SHROOM2: variants seen among roughly 807,000 people sequenced by gnomAD.
SHROOM2 encodes the protein shroom family member 2.
A neutral mutation model predicts 75.9 loss-of-function variants in SHROOM2; 33 were observed. The ratio of observed to expected loss-of-function variants is 0.43; its 90% CI spans 0.33 to 0.58. SHROOM2 has a LOEUF of 0.58. SHROOM2 is among the 20% of genes least tolerant of loss of function. The pLI is 0.04. For missense variants in SHROOM2, 1,434 were observed against 1,461.2 expected, an observed-to-expected ratio of 0.98 and a Z score of 0.30; for synonymous variants, 655 against 663.6, an observed-to-expected ratio of 0.99 and a Z score of 0.20.
intron 5 of SHROOM2, among the ~76,000 whole-genome samples, chrX:9,924,846 AT>A (rs1216093688): frequency 2.8e-5 from 3 of 108,955 alleles, no homozygotes; most frequent in African/African-American, 1.0e-4. Context: ...TTTTATTTTT[AT>A]TTTTTGTAGA....
chrX:9,865,097 G>C (rs1055005300), intron 1 of SHROOM2: 2 of 112,091 alleles, frequency 1.8e-5, no homozygotes, highest in Admixed American at 1.9e-4. Context: ...CAAATTGCCA[G>C]TCAGTATGCT....
At chrX:9,821,013 G>A (rs1197185454) in intron 1 of SHROOM2, among the ~76,000 whole-genome samples, 1 of 112,284 alleles carries the variant, frequency 8.9e-6, no homozygotes, top group East Asian at 2.8e-4. Context: ...TCCTTGGTAA[G>A]CAGTGGTTTT....
At chrX:9,867,512 C>T (rs1022556418) in intron 1 of SHROOM2, among the ~76,000 whole-genome samples, 1 of 111,784 alleles carries the variant, frequency 8.9e-6, no homozygotes, top group Non-Finnish European at 1.9e-5. Context: ...TGTCACTAAT[C>T]GGTGCAGTGC....
chrX:9,792,260 T>C (rs2083669940), intron 1 of SHROOM2, among the ~76,000 whole-genome samples: 1 of 111,004 alleles, frequency 9.0e-6, no homozygotes, highest in African/African-American at 3.3e-5. Context: ...AGAGCCAGCC[T>C]GTTCCCATTA....
intron 1 of SHROOM2, among the ~76,000 whole-genome samples, chrX:9,810,412 T>C (rs1171739119): frequency 9.0e-6 from 1 of 111,068 alleles, no homozygotes; most frequent in Non-Finnish European, 1.9e-5. Flanking sequence ...CATTGCGGAG[T>C]AGTAGACTGA....
intron 2 of SHROOM2, among the ~76,000 whole-genome samples, chrX:9,888,558 C>G (rs903257889): frequency 6.3e-5 from 7 of 111,498 alleles, no homozygotes; most frequent in African/African-American, 2.3e-4. Flanking sequence ...ATCCTCCCAC[C>G]TCATTCTCCC....
intron 5 of SHROOM2, among the ~76,000 whole-genome samples, chrX:9,916,440 C>T (rs2147037434): frequency 8.9e-6 from 1 of 111,968 alleles, no homozygotes; most frequent in African/African-American, 3.2e-5. Context: ...TAGTGAAATA[C>T]TTGTGCTCTT....
At chrX:9,837,725 G>A (rs1296754436) in intron 1 of SHROOM2, among the ~76,000 whole-genome samples, 1 of 112,070 alleles carries the variant, frequency 8.9e-6, no homozygotes, top group East Asian at 2.8e-4. Flanking sequence ...TGGGGATGTC[G>A]CCTCATACCC....
intron 1 of SHROOM2, among the ~76,000 whole-genome samples, chrX:9,864,630 A>T (rs2084123449): frequency 1.0e-5 from 1 of 97,634 alleles, no homozygotes; most frequent in Non-Finnish European, 2.0e-5. Flanking sequence ...CATCCCGGCT[A>T]AAAAAAAAAA....
chrX:9,825,869 T>C (rs940242033), intron 1 of SHROOM2, among the ~76,000 whole-genome samples: 24 of 112,022 alleles, frequency 2.1e-4, no homozygotes, highest in Admixed American at 1.2e-3. Flanking sequence ...AGGGGAGTCC[T>C]GGGTATTGGA....
chrX:9,885,720 C>T (rs1037042294), intron 2 of SHROOM2, among the ~76,000 whole-genome samples: 2 of 110,806 alleles, frequency 1.8e-5, no homozygotes, highest in South Asian at 3.8e-4. Context: ...TTTGAAAGAC[C>T]GAGGCAGGCA....
chrX:9,791,561 A>G (rs2083647821), intron 1 of SHROOM2, among the ~76,000 whole-genome samples: 1 of 112,321 alleles, frequency 8.9e-6, no homozygotes, highest in Admixed American at 9.5e-5. Flanking sequence ...TGTAGTCAGC[A>G]GTGGGGCAAT....
intron 1 of SHROOM2, among the ~76,000 whole-genome samples, chrX:9,806,863 AC>A (rs1361607733): frequency 1.8e-5 from 2 of 110,687 alleles, no homozygotes; most frequent in Non-Finnish European, 3.8e-5. Flanking sequence ...AGCTGGGATT[AC>A]AAGCCTGCGC....
chrX:9,875,732 A>G (rs1319692515), intron 2 of SHROOM2, among the ~76,000 whole-genome samples: 1 of 112,726 alleles, frequency 8.9e-6, no homozygotes, highest in African/African-American at 3.2e-5. Flanking sequence ...CATCTCTAGC[A>G]TAGGATATTT....
At chrX:9,796,870 C>A (rs2083697728) in intron 1 of SHROOM2, among the ~76,000 whole-genome samples, 1 of 111,201 alleles carries the variant, frequency 9.0e-6, no homozygotes, top group South Asian at 3.8e-4. Context: ...GTCTCGAACT[C>A]TTGGGCTCAA....
At chrX:9,881,213 C>A (rs924954792) in intron 2 of SHROOM2, among the ~76,000 whole-genome samples, 4 of 112,014 alleles carry the variant, frequency 3.6e-5, no homozygotes, top group African/African-American at 1.3e-4. Context: ...GTACCATTTA[C>A]TCTGCTGGTT....
At chrX:9,864,786 C>T (rs2084124974) in intron 1 of SHROOM2, among the ~76,000 whole-genome samples, 3 of 107,285 alleles carry the variant, frequency 2.8e-5, no homozygotes, top group African/African-American at 6.7e-5. Context: ...GATCCCGCCA[C>T]TGCACTCCAG....
At chrX:9,819,122 T>C in intron 1 of SHROOM2, 1 of 1,204,737 alleles carries the variant, frequency 8.3e-7, no homozygotes, top group Non-Finnish European at 1.1e-6. Flanking sequence ...CAAGCATGCC[T>C]CGATAGCCAC....
At chrX:9,893,972 A>C (rs1380127955) in intron 3 of SHROOM2, among the ~76,000 whole-genome samples, 2 of 109,885 alleles carry the variant, frequency 1.8e-5, no homozygotes, top group Admixed American at 9.6e-5. Flanking sequence ...AAAAAACCAA[A>C]ATCAACAACA....
Sources: allele counts gnomAD v4.1 joint callset (sites outside exome capture counted in the v4.1 genomes callset), GRCh38; gene constraint gnomAD v4.1.1; transcripts MANE v1.5; gene names NCBI Gene and HGNC (gene_info 2026-07-23, HGNC 2026-07-21).